Variants in CDH6 observed in about 807,000 individuals in gnomAD.
The protein encoded by CDH6 is cadherin-6.
Under a neutral mutation model 78.0 loss-of-function variants are expected in CDH6, and 31 were observed. That is an observed-to-expected ratio of 0.40 (90% CI 0.30 to 0.54). The LOEUF (loss-of-function observed/expected upper bound fraction) is 0.54. Ranked by LOEUF, CDH6 falls within the 20% of genes least tolerant of loss-of-function variation. The pLI is 0.56. For missense variants in CDH6, 724 were observed against 975.9 expected (o/e 0.74, Z 3.44); for synonymous variants, 376 against 368.8 (o/e 1.02, Z -0.23).
chr5:31,226,577 C>G (rs990018210), intron 1 of CDH6, among the ~76,000 whole-genome samples: 5 of 152,154 alleles, frequency 3.3e-5, no homozygotes, highest in African/African-American at 4.8e-5. Context: ...GGTTGTGCGA[C>G]TTGGCCATGT....
chr5:31,315,423 T>C (rs1238544071), intron 8 of CDH6, among the ~76,000 whole-genome samples: 1 of 151,980 alleles, frequency 6.6e-6, no homozygotes, highest in Non-Finnish European at 1.5e-5. Flanking sequence ...TGAAGAGAGG[T>C]GAGGTGATAG....
At chr5:31,285,231 C>CAA (rs1283396312) in intron 2 of CDH6, among the ~76,000 whole-genome samples, 3 of 152,158 alleles carry the variant, frequency 2.0e-5, no homozygotes, top group African/African-American at 7.2e-5. Context: ...GGCACATACT[C>CAA]AAGACCTCTT....
At chr5:31,286,191 T>C (rs1743007950) in intron 2 of CDH6, among the ~76,000 whole-genome samples, 1 of 152,242 alleles carries the variant, frequency 6.6e-6, no homozygotes, top group South Asian at 2.1e-4. Flanking sequence ...TATCAGGCTC[T>C]GAGGATACAG....
intron 1 of CDH6, among the ~76,000 whole-genome samples, chr5:31,260,133 T>G (rs1742174366): frequency 6.6e-6 from 1 of 152,228 alleles, no homozygotes; most frequent in Admixed American, 6.5e-5. Context: ...TGCTAAGATC[T>G]TTGGCAGTTT....
At chr5:31,242,776 C>T (rs1474261873) in intron 1 of CDH6, among the ~76,000 whole-genome samples, 2 of 151,172 alleles carry the variant, frequency 1.3e-5, no homozygotes, top group Non-Finnish European at 2.9e-5. Flanking sequence ...AATCTCAGCA[C>T]TTTGAGAGGC....
rs149615545 is a variant in CDH6, at chr5:31,297,950, T to A, written c.643+542T>A. On this transcript the variant is annotated intron_variant, in intron 4 of 11. Transcript: ENST00000265071. ...CTGTAGCCTGAATGTCTGAGTGGTA[T>A]GGTGAACAAAGCTACCTGCTTACCT... Among the ~76,000 whole-genome samples, 1,176 of 152,328 alleles carry A rather than the reference T, an allele frequency of 7.7e-3. 8 individuals are homozygous for A. Among genetic ancestry groups the A allele is most frequent in the South Asian group, 0.023 (113 of 4,826 alleles).
Position 31,326,723 on chromosome 5 carries a change from G to T in CDH6, c.*3415G>T, listed in dbSNP as rs917892411. On this transcript the variant is annotated 3_prime_UTR_variant, in exon 12 of 12. Coordinates refer to ENST00000265071, the MANE Select transcript of CDH6 (RefSeq NM_004932.4). ...TTTTTTTTTTTTGAGACAGAATCTC[G>T]CTCTGTCGCCCAGGCTGGAATGCAG... The T allele has an allele frequency of 8.3e-6, 1 of 121,040 alleles. No homozygotes were observed. The highest frequency in any genetic ancestry group is 1.5e-5 in the Non-Finnish European group (1 of 66,254). 7.5% of individuals were successfully genotyped at this position (121,040 alleles called of 1,614,324 possible).
At chr5:31,255,085 C>G (rs1463010852) in intron 1 of CDH6, among the ~76,000 whole-genome samples, 1 of 152,108 alleles carries the variant, frequency 6.6e-6, no homozygotes, top group African/African-American at 2.4e-5. Flanking sequence ...ATGCAACATC[C>G]AAATATTCTG....
At chr5:31,321,202 G>C (rs1270795582) in intron 11 of CDH6, among the ~76,000 whole-genome samples, 1 of 134,994 alleles carries the variant, frequency 7.4e-6, no homozygotes, top group African/African-American at 2.8e-5. Flanking sequence ...CCTGGTACAG[G>C]GTAGGCACTA....
chr5:31,291,970 G>A (rs577135049), intron 2 of CDH6, among the ~76,000 whole-genome samples: 5 of 152,210 alleles, frequency 3.3e-5, no homozygotes, highest in South Asian at 4.2e-4. Flanking sequence ...CAAACACCAC[G>A]ATTAACTAGC....
chr5:31,267,264 C>T (rs1005658489), intron 1 of CDH6, 82 bp from the exon 2 acceptor site: 4 of 510,756 alleles, frequency 7.8e-6, no homozygotes, highest in African/African-American at 5.7e-5. Flanking sequence ...AAATTTCTGT[C>T]CTCTTTTTTC....
At chr5:31,254,795 C>T (rs1053180607) in intron 1 of CDH6, among the ~76,000 whole-genome samples, 23 of 152,038 alleles carry the variant, frequency 1.5e-4, no homozygotes, top group East Asian at 1.9e-4. Flanking sequence ...CAGAGATAAC[C>T]GGATGTATCT....
At position 31,324,261 on chromosome 5, in the gene CDH6, T is replaced by C. The variant is rs940867616; in HGVS notation, c.*953T>C. 1.4e-5 allele frequency: 3 copies of C among 211,538 alleles called. No individual in the cohort carries two copies. The highest frequency in any genetic ancestry group is 6.8e-5 in the African/African-American group (3 of 44,226). The allele number at this position is 211,538 out of a possible 1,614,324, so 13.1% of individuals were successfully genotyped here. A position where few individuals can be genotyped will look rare whatever the true frequency, so the allele number is the denominator to read the frequency against. ...ACTATACTGTACATGAAAGTAGCAG[T>C]GTGAAGTACAATAATTCATATTCTT... On this transcript the variant is annotated 3_prime_UTR_variant, in exon 12 of 12. Coordinates refer to ENST00000265071, the MANE Select transcript of CDH6 (RefSeq NM_004932.4).
At chr5:31,223,635 C>T (rs1445595948) in intron 1 of CDH6, among the ~76,000 whole-genome samples, 1 of 152,052 alleles carries the variant, frequency 6.6e-6, no homozygotes, top group Non-Finnish European at 1.5e-5. Flanking sequence ...TTTCTATTAA[C>T]ATTACATTTT....
intron 3 of CDH6, among the ~76,000 whole-genome samples, chr5:31,296,256 G>GTTA (rs1737595536): frequency 6.6e-6 from 1 of 152,084 alleles, no homozygotes; most frequent in Non-Finnish European, 1.5e-5. Context: ...GCCATTAAGT[G>GTTA]ATCTTAATCC....
intron 1 of CDH6, among the ~76,000 whole-genome samples, chr5:31,212,401 T>A (rs1740732248): frequency 6.6e-6 from 1 of 152,128 alleles, no homozygotes. Context: ...TGTGTACAAA[T>A]ATAATGTGCC....
In CDH6 at chr5:31,317,715, G is replaced by A. The variant is rs1738364633; in HGVS notation, c.1673G>A (p.Arg558Lys). 1.9e-6 allele frequency: 3 copies of A among 1,613,722 alleles called. No individual in the cohort carries two copies. The highest frequency in any genetic ancestry group is 1.7e-5 in the Admixed American group (1 of 59,980). Residue 558 changes from arginine (R) to lysine (K), a missense_variant, in exon 11 of 12, where the codon AGA becomes AAA. By Grantham distance (26) the Arg-to-Lys change is conservative. Transcript: ENST00000265071. Reference sequence around the variant, plus strand: ...TTAACTCGGAAAAATGGCTATAATAGACACGAGATGAGCACCTATCTCTTG... The same window carrying A: ...TTAACTCGGAAAAATGGCTATAATAAACACGAGATGAGCACCTATCTCTTG... Reference protein sequence around the residue: ...GILTRKNGYNRHEMSTYLLPV... With the variant: ...GILTRKNGYNKHEMSTYLLPV...
intron 11 of CDH6, among the ~76,000 whole-genome samples, chr5:31,321,323 C>T (rs1463299113): frequency 2.6e-5 from 4 of 152,210 alleles, no homozygotes; most frequent in African/African-American, 7.2e-5. Context: ...TACAAAACCA[C>T]ACACTTGAAA....
intron 4 of CDH6, among the ~76,000 whole-genome samples, chr5:31,297,692 G>A (rs535229045): frequency 5.9e-5 from 9 of 152,146 alleles, no homozygotes; most frequent in African/African-American, 1.9e-4. Flanking sequence ...ACCCCTTTTT[G>A]ATAGTATTGG....
Sources: allele counts gnomAD v4.1 joint callset (sites outside exome capture counted in the v4.1 genomes callset), GRCh38; gene constraint gnomAD v4.1.1; transcripts MANE v1.5; gene names NCBI Gene and HGNC (gene_info 2026-07-23, HGNC 2026-07-21).